The following UBASH3B variants were observed in gnomAD, a reference collection of about 807,000 sequenced individuals.
UBASH3B encodes the protein ubiquitin associated and SH3 domain containing B, also known as ubiquitin-associated and SH3 domain-containing protein B.
Under a neutral mutation model 83.4 loss-of-function variants are expected in UBASH3B, and 37 were observed. The ratio of observed to expected loss-of-function variants is 0.44; its 90% confidence interval spans 0.34 to 0.58. The LOEUF is 0.58. UBASH3B is among the 20% of genes least tolerant of loss of function. UBASH3B has a pLI of 0.01. For missense variants in UBASH3B, 657 were observed against 827.2 expected, an observed-to-expected ratio of 0.79 and a Z score of 2.52; for synonymous variants, 304 against 318.3, an observed-to-expected ratio of 0.96 and a Z score of 0.48.
chr11:122,723,671 C>T (rs764899942), intron 1 of UBASH3B, among the ~76,000 whole-genome samples: 2 of 152,192 alleles, frequency 1.3e-5, no homozygotes, highest in Non-Finnish European at 2.9e-5. Context: ...CAGCCCAGTT[C>T]CAAGAAAGAG....
intron 1 of UBASH3B, 193 bp from the exon 2 acceptor site, chr11:122,776,026 T>C: frequency 2.0e-6 from 1 of 493,980 alleles, no homozygotes. Context: ...ACATGGAAAT[T>C]AATTACAAGT....
intron 1 of UBASH3B, among the ~76,000 whole-genome samples, chr11:122,742,841 G>A (rs11218790): frequency 0.29 from 44,382 of 152,146 alleles, 6,902 homozygotes; most frequent in African/African-American, 0.32. Context: ...TTTTCTCTGT[G>A]TGTTGTGGAA....
rs140678076 is a variant in UBASH3B, at chr11:122,796,269, T to C, written c.1227T>C (p.Asp409=). ...FGKYWLSQCF[D]AKGRYIRTNL... Reference sequence around the variant, plus strand: ...AGTACTGGCTGTCCCAGTGCTTCGATGCCAAAGGTGAGTTGGTGGTGGGCC... The same window carrying C: ...AGTACTGGCTGTCCCAGTGCTTCGACGCCAAAGGTGAGTTGGTGGTGGGCC... Residue 409 remains aspartate, a synonymous_variant, in exon 8 of 14, where the codon GAT becomes GAC. Transcript: ENST00000284273. 185 of 1,614,100 alleles carry C rather than the reference T, an allele frequency of 1.1e-4. No homozygotes were observed. Among genetic ancestry groups the C allele is most frequent in the Middle Eastern group, 3.3e-4 (2 of 6,062 alleles).
At chr11:122,674,633 G>A (rs754493318) in intron 1 of UBASH3B, among the ~76,000 whole-genome samples, 1 of 151,300 alleles carries the variant, frequency 6.6e-6, no homozygotes, top group Non-Finnish European at 1.5e-5. Context: ...TGCCCTCCTC[G>A]GCATCCCAAA....
In UBASH3B at chr11:122,806,501, G is replaced by A. The variant is rs921687028; in HGVS notation, c.1687G>A (p.Glu563Lys). ...CCAAGTAACAAAAGAAATAATAAGTGAATGTAAAAGTAAAGGTAAGTGGTA... is the reference window on the plus strand; with the variant it reads ...CCAAGTAACAAAAGAAATAATAAGTAAATGTAAAAGTAAAGGTAAGTGGTA... ...SFQVTKEIIS[E>K]CKSKGNNILI... is the part of the protein sequence containing the mutation. Residue 563 changes from glutamate (E) to lysine (K), a missense_variant, in exon 12 of 14, where the codon GAA (glutamate) becomes AAA (lysine). By Grantham distance (56) the Glu-to-Lys change is moderately conservative. Transcript: ENST00000284273. This position sits in a 1 kb window ranked among gnomAD's most constrained non-coding sequence, Gnocchi z 4.0. 4 of 1,603,396 alleles carry A rather than the reference G, an allele frequency of 2.5e-6. No individual in the cohort carries two copies. Among genetic ancestry groups the A allele is most frequent in the Non-Finnish European group, 3.4e-6 (4 of 1,175,934 alleles).
At position 122,759,923 on chromosome 11, in the gene UBASH3B, G is replaced by A. The variant is rs984903857; in HGVS notation, c.162-16296G>A. ...ATTCCATCACCTTTGCCATATAGAG[G>A]TAAGTCATAGGTCTCACCTACACTT... On this transcript the variant is annotated intron_variant, in intron 1 of 13. Transcript: ENST00000284273. The surrounding 1 kb of genome is among the most constrained non-coding windows in gnomAD (Gnocchi z 4.1). Among the ~76,000 whole-genome samples the A allele has an allele frequency of 2.6e-5, 4 of 152,164 alleles. No individual in the cohort carries two copies. The highest frequency in any genetic ancestry group is 4.8e-5 in the African/African-American group (2 of 41,436).
rs572249125 is a variant in UBASH3B at position 122,774,300 on chromosome 11, A to G, written c.162-1919A>G. 2.2e-5 allele frequency: 22 copies of G among 985,410 alleles called. 1 individual carries two copies. The South Asian group carries it at 9.9e-4, about 44-fold the overall frequency. 61.0% of individuals were successfully genotyped at this position (985,410 alleles called of 1,614,324 possible). A position where few individuals can be genotyped will look rare whatever the true frequency, so the allele number is the denominator to read the frequency against. ...TGCCTTTTACAGTGCTGTTCTCATT[A>G]GCTGTGCAGACTTCCTTATCCTGAT... On this transcript the variant is annotated intron_variant, in intron 1 of 13. Coordinates refer to ENST00000284273, the MANE Select transcript of UBASH3B (RefSeq NM_032873.5).
intron 1 of UBASH3B, among the ~76,000 whole-genome samples, chr11:122,748,092 G>A (rs1321296666): frequency 2.0e-5 from 3 of 152,214 alleles, no homozygotes; most frequent in African/African-American, 7.2e-5. Flanking sequence ...CCTGCAAAAG[G>A]AGAGCAAGAA....
chr11:122,779,372 G>A, intron 3 of UBASH3B, 125 bp from the exon 4 acceptor site: 1 of 967,854 alleles, frequency 1.0e-6, no homozygotes, highest in Non-Finnish European at 1.6e-6. Context: ...ACAGACAGGG[G>A]TAGTGGTTAA....
intron 1 of UBASH3B, among the ~76,000 whole-genome samples, chr11:122,773,279 C>T (rs945605255): frequency 5.3e-5 from 8 of 152,210 alleles, no homozygotes; most frequent in African/African-American, 9.6e-5. Flanking sequence ...CATGTTCTGC[C>T]GCGCCCATGT....
rs572129804 is a variant in UBASH3B, at chr11:122,774,785, A to G, written c.162-1434A>G. ...ACACTGTCCAAGGCTCCTTCTCTAC[A>G]CTGGCTCATTTAATCTTTACATCTC... is the stretch of plus-strand genomic sequence containing the variant. On this transcript the variant is annotated intron_variant, in intron 1 of 13. Transcript: ENST00000284273. Among the ~76,000 whole-genome samples the G allele has an allele frequency of 4.6e-5, 7 of 152,286 alleles. No homozygotes were observed. The East Asian group carries it at 1.2e-3, about 25-fold the overall frequency.
At chr11:122,730,035 C>T (rs900078062) in intron 1 of UBASH3B, among the ~76,000 whole-genome samples, 9 of 141,800 alleles carry the variant, frequency 6.3e-5, no homozygotes, top group African/African-American at 2.3e-4. Flanking sequence ...ACCTGTAATC[C>T]TAGCACTTTG....
rs774536658 is a variant in UBASH3B, at chr11:122,662,431, TC to T, written c.161+6222del. On this transcript the variant is annotated intron_variant, in intron 1 of 13. Coordinates refer to ENST00000284273, the MANE Select transcript of UBASH3B (RefSeq NM_032873.5). The stretch of plus-strand genomic sequence containing the variant: ...CCACCAGTCGCTTTTTCTTTTCTTT[TC>T]TTTTTTTTTTTTTTGAGACAGTTTC... Among the ~76,000 whole-genome samples the T allele has an allele frequency of 1.3e-3, 196 of 148,682 alleles. 7 individuals carry two copies. Among genetic ancestry groups the T allele is most frequent in the Admixed American group, 2.2e-3 (33 of 14,936 alleles).
chr11:122,755,492 C>T (rs1040609603), intron 1 of UBASH3B, among the ~76,000 whole-genome samples: 2 of 152,032 alleles, frequency 1.3e-5, no homozygotes, highest in African/African-American at 4.8e-5. Context: ...GGTCTGACAC[C>T]GAGGAGCTTT....
At position 122,655,955 on chromosome 11, in the gene UBASH3B, C is replaced by G; in HGVS notation, c.-95C>G. 6.3e-5 allele frequency: 76 copies of G among 1,201,460 alleles called. No homozygotes were observed. Among genetic ancestry groups the G allele is most frequent in the Middle Eastern group, 3.0e-4 (1 of 3,370 alleles). The allele number at this position is 1,201,460 out of a possible 1,614,324, so 74.4% of individuals were successfully genotyped here. A position where few individuals can be genotyped will look rare whatever the true frequency, so the allele number is the denominator to read the frequency against. On this transcript the variant is annotated 5_prime_UTR_variant, in exon 1 of 14. Transcript: ENST00000284273. ...CGCCGCCTCCTGCCTGGCTCTGGGT[C>G]CCCGAGCCCCCTCCCCTGGCCCAGC...
Position 122,801,323 on chromosome 11 carries a change from C to A in UBASH3B, c.1586C>A (p.Thr529Lys). The A allele has an allele frequency of 6.2e-7, 1 of 1,614,034 alleles. No individual in the cohort carries two copies. Among genetic ancestry groups the A allele is most frequent in the Non-Finnish European group, 8.5e-7 (1 of 1,180,026 alleles). Residue 529 changes from threonine to lysine, a missense_variant, in exon 11 of 14, where the codon ACA (threonine) becomes AAA (lysine). Thr to Lys is a moderately conservative substitution (Grantham distance 78). This residue lies in a region of UBASH3B where 573 missense variants were observed against 739.0 expected (regional missense o/e 0.78). Coordinates refer to ENST00000284273, the MANE Select transcript of UBASH3B (RefSeq NM_032873.5). The part of the protein sequence containing the change: ...ELAAANLSVD[T>K]TYRPHIPISK... ...GCTGCAGCCAACCTGAGTGTTGATA[C>A]AACCTACAGGTAAGCCTCGGAAACT... is the stretch of plus-strand genomic sequence containing the variant.
chr11:122,801,481 C>T, intron 11 of UBASH3B, 149 bp downstream of exon 11: 1 of 998,470 alleles, frequency 1.0e-6, no homozygotes, highest in Non-Finnish European at 1.4e-6. Context: ...TTTTAGAAAT[C>T]AAAACTGGAG....
intron 2 of UBASH3B, among the ~76,000 whole-genome samples, chr11:122,776,642 C>G (rs1350694634): frequency 6.6e-6 from 1 of 152,154 alleles, no homozygotes; most frequent in Non-Finnish European, 1.5e-5. Flanking sequence ...AAGGTTACCT[C>G]TCTGGGAGCT....
At chr11:122,679,310 G>A (rs764858033) in intron 1 of UBASH3B, among the ~76,000 whole-genome samples, 2 of 152,246 alleles carry the variant, frequency 1.3e-5, no homozygotes, top group African/African-American at 2.4e-5. Flanking sequence ...AGAAGCTGGC[G>A]ACAATTGCAT....
Sources: gnomAD v4.1 joint callset for allele counts (sites outside exome capture counted in the v4.1 genomes callset) on GRCh38, gnomAD v4.1.1 for gene constraint, gnomAD v4.1.1 regional missense constraint, Gnocchi (gnomAD v3.1) non-coding constraint, MANE v1.5 for transcripts, NCBI Gene and HGNC (gene_info 2026-07-23, HGNC 2026-07-21) for gene names.